P3H4: variants seen among roughly 807,000 people sequenced by gnomAD.
P3H4 encodes endoplasmic reticulum protein SC65.
P3H4 carries 47 observed loss-of-function variants against 52.9 expected under a neutral mutation model. The observed-to-expected ratio is 0.89, with a 90% CI of 0.70 to 1.13. The LOEUF (loss-of-function observed/expected upper bound fraction) is 1.13, where lower values mean the gene tolerates loss of function less well. Ranked by LOEUF, P3H4 falls within the 50% of genes most tolerant of loss-of-function variation. P3H4 has a pLI of 0.00. For missense variants in P3H4, 585 were observed against 611.0 expected (o/e 0.96, Z 0.45); for synonymous variants, 256 against 267.9 (o/e 0.96, Z 0.44).
chr17:41,802,744 G>T lies in P3H4; in HGVS notation c.*213C>A. On this transcript the variant is annotated 3_prime_UTR_variant, in exon 8 of 8. Coordinates refer to ENST00000393928, the MANE Select transcript of P3H4 (RefSeq NM_006455.3). ...TTTATGTATTTTAGTAGAGACGGAG[G>T]TCTCATCATGTTGGCCAGGCTGGTC... 1.1e-5 allele frequency: 6 copies of T among 526,372 alleles called. No homozygotes were observed. Among genetic ancestry groups the T allele is most frequent in the South Asian group, 2.4e-5 (1 of 42,102 alleles). The allele number at this position is 526,372 out of a possible 1,614,324, so 32.6% of individuals were successfully genotyped here.
chr17:41,804,242 T>C (rs8069137), intron 6 of P3H4, among the ~76,000 whole-genome samples: 90 of 149,666 alleles, frequency 6.0e-4, no homozygotes, highest in Middle Eastern at 6.8e-3. Context: ...TGAGCCACCG[T>C]GCCCCGCCAG....
At position 41,811,906 on chromosome 17, in the gene P3H4, C is replaced by T; in HGVS notation, c.10G>A (p.Val4Met). MAR[V>M]AWGLLWLLLG... ...AGCAACCACAGCAGCCCCCACGCCA[C>T]CCGAGCCATGCCCGCCGCGCCGCCG... The change falls in exon 1 of 8, where the codon GTG (valine) becomes ATG (methionine). Residue 4 changes from valine to methionine, a missense_variant. Val to Met is a conservative substitution (Grantham distance 21, BLOSUM62 1). Coordinates refer to ENST00000393928, the MANE Select transcript of P3H4 (RefSeq NM_006455.3). This position sits in a 1 kb window ranked among gnomAD's most constrained non-coding sequence, Gnocchi z 4.8. 3.3e-6 allele frequency: 5 copies of T among 1,508,534 alleles called. No homozygotes were observed. The highest frequency in any genetic ancestry group is 1.4e-5 in the African/African-American group (1 of 69,318). The allele number at this position is 1,508,534 out of a possible 1,614,324, so 93.4% of individuals were successfully genotyped here.
chr17:41,808,067 C>G, intron 4 of P3H4, 63 bp from the exon 5 acceptor site: 1 of 1,563,104 alleles, frequency 6.4e-7, no homozygotes, highest in Non-Finnish European at 8.7e-7. Flanking sequence ...ACTCCATCTT[C>G]CAGTTCAGTC....
In P3H4 at chr17:41,811,277, C is replaced by A. The variant is rs781861853; in HGVS notation, c.470G>T (p.Arg157Leu). ...GGCCGCCGCCACCGCCTTCTCCAGC[C>A]GGTTAGCCTGGTCGGGGGGTAGGGG... Reference protein sequence around the residue: ...YLHYALFKANRLEKAVAAAYT... With the variant: ...YLHYALFKANLLEKAVAAAYT... The change falls in exon 2 of 8, where the codon CGG becomes CTG. Residue 157 changes from arginine to leucine, a missense_variant. Arg to Leu is a moderately radical substitution (Grantham distance 102). Transcript: ENST00000393928. The surrounding 1 kb of genome is among the most constrained non-coding windows in gnomAD (Gnocchi z 4.8). The A allele has an allele frequency of 3.1e-6, 5 of 1,613,066 alleles. No homozygotes were observed. The East Asian group carries it at 1.1e-4, about 36-fold the overall frequency.
rs58414096 is a variant in P3H4, at chr17:41,803,952, C to CT, written c.1147-522dup. Among the ~76,000 whole-genome samples, 576 of 138,242 alleles carry CT rather than the reference C, an allele frequency of 4.2e-3. 3 individuals carry two copies. Among genetic ancestry groups the CT allele is most frequent in the East Asian group, 0.018 (87 of 4,784 alleles). 90.7% of individuals were successfully genotyped at this position (138,242 alleles called of 152,430 possible). On this transcript the variant is annotated intron_variant, in intron 6 of 7. Transcript: ENST00000393928. ...GGCACGTGAAAGGGACCATGACTTCCTTTTTTTTTTTTTTTTTTGAGACGG... is the reference window on the plus strand; with the variant it reads ...GGCACGTGAAAGGGACCATGACTTCCTTTTTTTTTTTTTTTTTTTGAGACGG...
intron 6 of P3H4, among the ~76,000 whole-genome samples, chr17:41,804,417 G>A (rs2047651885): frequency 6.6e-6 from 1 of 152,024 alleles, no homozygotes; most frequent in African/African-American, 2.4e-5. Flanking sequence ...TTTGAGGTCA[G>A]GAGTTCAAGA....
Position 41,811,132 on chromosome 17 carries a change from C to G in P3H4, c.615G>C (p.Glu205Asp). Residue 205 changes from glutamate (E) to aspartate (D), a missense_variant and splice_region_variant, in exon 2 of 8, where the codon GAG (glutamate) becomes GAC (aspartate). Glu to Asp is a conservative substitution (Grantham distance 45, BLOSUM62 2). Transcript: ENST00000393928. The surrounding 1 kb of genome is among the most constrained non-coding windows in gnomAD (Gnocchi z 4.8). The stretch of plus-strand genomic sequence containing the variant: ...GCCTCCTCCTGACCCTCCACCCCAC[C>G]TCGTAGGGCTGGGCCTCTAGGTCCG... ...SLTDLEAQPY[E>D]AVFLRAVKLY... 2.5e-6 allele frequency: 4 copies of G among 1,614,176 alleles called. No homozygotes were observed. Among genetic ancestry groups the G allele is most frequent in the Non-Finnish European group, 3.4e-6 (4 of 1,180,000 alleles).
intron 4 of P3H4, among the ~76,000 whole-genome samples, 158 bp downstream of exon 4, chr17:41,809,548 G>A (rs2047707249): frequency 6.6e-6 from 1 of 152,050 alleles, no homozygotes; most frequent in Admixed American, 6.6e-5. Context: ...GACTCCCAGG[G>A]TGCCTTCCCC....
rs781944171 is a variant in P3H4, at chr17:41,807,976, G to A, written c.945C>T (p.Ser315=). ...KLNDVRQAAR[S]AASYMLFDPK... Reference sequence around the variant, plus strand: ...GGTCGAAGAGCATGTAGCTGGCGGCGCTGCGGGCAGCCTGGCGCACATCAT... The same window carrying A: ...GGTCGAAGAGCATGTAGCTGGCGGCACTGCGGGCAGCCTGGCGCACATCAT... The change falls in exon 5 of 8, where the codon AGC becomes AGT. Residue 315 remains serine (S), a synonymous_variant. Coordinates refer to ENST00000393928, the MANE Select transcript of P3H4 (RefSeq NM_006455.3). The A allele has an allele frequency of 6.9e-5, 111 of 1,613,958 alleles. No individual in the cohort carries two copies. Among genetic ancestry groups the A allele is most frequent in the Middle Eastern group, 1.7e-4 (1 of 6,060 alleles).
At chr17:41,807,258 G>A (rs1366516086) in intron 5 of P3H4, 10 of 288,596 alleles carry the variant, frequency 3.5e-5, no homozygotes, top group Non-Finnish European at 6.7e-5. Flanking sequence ...AGGGAGGGGA[G>A]CAGGTAGGAG....
intron 6 of P3H4, among the ~76,000 whole-genome samples, chr17:41,804,867 G>A (rs529837510): frequency 2.6e-5 from 4 of 151,798 alleles, no homozygotes; most frequent in East Asian, 3.9e-4. Flanking sequence ...CCAGCTACTC[G>A]GAGGCTGAGA....
At chr17:41,807,026 A>C (rs1251346667) in intron 5 of P3H4, 147 bp from the exon 6 acceptor site, 1 of 629,732 alleles carries the variant, frequency 1.6e-6, no homozygotes, top group Non-Finnish European at 2.8e-6. Flanking sequence ...TCATCAGATC[A>C]TCGTGGCTGC....
At position 41,811,595 on chromosome 17, in the gene P3H4, G is replaced by A. The variant is rs782280767; in HGVS notation, c.321C>T (p.Gly107=). ...DEWACELRLF[G]RVLERAACLR... ...GGCAGGCGGCTCGCTCCAGGACGCG[G>A]CCGAAGAGCCGCAGCTCGCAGGCCC... Residue 107 remains glycine, a synonymous_variant, in exon 1 of 8, where the codon GGC becomes GGT. Transcript: ENST00000393928. The surrounding 1 kb of genome is among the most constrained non-coding windows in gnomAD (Gnocchi z 4.8). 1.3e-6 allele frequency: 2 copies of A among 1,573,312 alleles called. No individual in the cohort carries two copies. The highest frequency in any genetic ancestry group is 2.3e-5 in the East Asian group (1 of 42,918).
chr17:41,806,577 C>T (rs1336572222), intron 6 of P3H4, among the ~76,000 whole-genome samples: 1 of 152,160 alleles, frequency 6.6e-6, no homozygotes, highest in Non-Finnish European at 1.5e-5. Flanking sequence ...GTGAGCTGGG[C>T]CTGGGAGGAA....
intron 6 of P3H4, 75 bp from the exon 7 acceptor site, chr17:41,803,506 A>T: frequency 7.6e-7 from 1 of 1,323,810 alleles, no homozygotes; most frequent in Non-Finnish European, 1.0e-6. Flanking sequence ...CTTCCTGGCC[A>T]ATGGGACTTC....
chr17:41,805,254 A>G (rs1347128197), intron 6 of P3H4, among the ~76,000 whole-genome samples: 3 of 151,134 alleles, frequency 2.0e-5, no homozygotes, highest in Non-Finnish European at 2.9e-5. Flanking sequence ...ACGCCACTGC[A>G]CTCCAGCATG....
intron 7 of P3H4, 73 bp from the exon 8 acceptor site, chr17:41,803,052 A>G: frequency 6.4e-7 from 1 of 1,560,316 alleles, no homozygotes; most frequent in South Asian, 1.2e-5. Context: ...TGCTGTCCTG[A>G]TGGGAGGTGG....
Position 41,809,835 on chromosome 17 carries a change from C to T in P3H4, c.788-1G>A. The T allele has an allele frequency of 6.2e-7, 1 of 1,609,816 alleles. No homozygotes were observed. The highest frequency in any genetic ancestry group is 1.7e-5 in the Admixed American group (1 of 59,746). On this transcript the variant is annotated splice_acceptor_variant, in intron 3 of 7. Coordinates refer to ENST00000393928, the MANE Select transcript of P3H4 (RefSeq NM_006455.3). LOFTEE classifies it high-confidence loss of function. Reference sequence around the variant, plus strand: ...CACTGCAGGGACTCTGCAAAGAGATCTGAGGGTGGGAGGCAGCAGTGAGAG... The same window carrying T: ...CACTGCAGGGACTCTGCAAAGAGATTTGAGGGTGGGAGGCAGCAGTGAGAG...
chr17:41,811,044 G>A lies in P3H4; in HGVS notation c.616-10C>T. On this transcript the variant is annotated splice_polypyrimidine_tract_variant and intron_variant, in intron 2 of 7. Transcript: ENST00000393928. The surrounding 1 kb of genome is among the most constrained non-coding windows in gnomAD (Gnocchi z 4.8). ...CCCGGAGGAACACGGCCTGGAAGGG[G>A]CGTGGCAGGGGGAGTCAGGGCGCCC... 1.2e-6 allele frequency: 2 copies of A among 1,610,112 alleles called. No individual in the cohort carries two copies. Among genetic ancestry groups the A allele is most frequent in the African/African-American group, 1.3e-5 (1 of 74,992 alleles).
Sources: gnomAD v4.1 joint callset for allele counts (sites outside exome capture counted in the v4.1 genomes callset) on GRCh38, gnomAD v4.1.1 for gene constraint, Gnocchi (gnomAD v3.1) non-coding constraint, MANE v1.5 for transcripts, NCBI Gene and HGNC (gene_info 2026-07-23, HGNC 2026-07-21) for gene names.